Variants in NR2E1 observed in about 807,000 individuals in gnomAD.
NR2E1 encodes nuclear receptor TLX.
NR2E1 carries 5 observed loss-of-function variants against 43.6 expected under a neutral mutation model. The observed-to-expected ratio is 0.11, with a 90% CI of 0.06 to 0.24. The LOEUF (loss-of-function observed/expected upper bound fraction) is 0.24, where lower values mean the gene tolerates loss of function less well. NR2E1 is among the 10% of genes least tolerant of loss of function. The pLI is 1.00. For missense variants in NR2E1, 287 were observed against 496.7 expected, an observed-to-expected ratio of 0.58 and a Z score of 4.01; for synonymous variants, 191 against 195.5, an observed-to-expected ratio of 0.98 and a Z score of 0.19.
In NR2E1 at chr6:108,180,924, C is replaced by T. The variant is rs1283717875; in HGVS notation, c.857C>T (p.Ala286Val). The T allele has an allele frequency of 2.5e-6, 4 of 1,613,974 alleles. No homozygotes were observed. The highest frequency in any genetic ancestry group is 3.4e-6 in the Non-Finnish European group (4 of 1,180,000). Reference sequence around the variant, plus strand: ...CTCCGGTTAGATGCTACTGAATTTGCCTGTCTAAAATGCATCGTCACTTTC... The same window carrying T: ...CTCCGGTTAGATGCTACTGAATTTGTCTGTCTAAAATGCATCGTCACTTTC... Reference protein sequence around the residue: ...RQLRLDATEFACLKCIVTFKA... With the variant: ...RQLRLDATEFVCLKCIVTFKA... The change falls in exon 7 of 9, where the codon GCC (alanine) becomes GTC (valine). Residue 286 changes from alanine to valine, a missense_variant. Physicochemically the swap from Ala to Val is moderately conservative, Grantham distance 64. Around this residue, in one of 4 missense-constraint regions of NR2E1, gnomAD observed 119 missense variants for 187.0 expected, o/e 0.64. Coordinates refer to ENST00000368986, the MANE Select transcript of NR2E1 (RefSeq NM_003269.5). This position sits in a 1 kb window ranked among gnomAD's most constrained non-coding sequence, Gnocchi z 5.4.
Position 108,166,899 on chromosome 6 carries a change from A to C in NR2E1, c.25+109A>C. ...AGCGCTGCGAATCTGAGCCCCTGAG[A>C]GGGATTCCAGCGGGCGTGTGCGTTC... On this transcript the variant is annotated intron_variant, in intron 1 of 8. Coordinates refer to ENST00000368986, the MANE Select transcript of NR2E1 (RefSeq NM_003269.5). This position sits in a 1 kb window ranked among gnomAD's most constrained non-coding sequence, Gnocchi z 7.2. The C allele has an allele frequency of 8.5e-7, 1 of 1,180,626 alleles. No homozygotes were observed. Among genetic ancestry groups the C allele is most frequent in the Non-Finnish European group, 1.2e-6 (1 of 822,580 alleles). The allele number at this position is 1,180,626 out of a possible 1,614,324, so 73.1% of individuals were successfully genotyped here.
chr6:108,177,498 C>T (rs1361238048), intron 4 of NR2E1, among the ~76,000 whole-genome samples: 3 of 152,202 alleles, frequency 2.0e-5, no homozygotes, highest in African/African-American at 7.2e-5. Flanking sequence ...CCCCACACTG[C>T]AGGGAAGCCA....
chr6:108,174,753 C>T, intron 2 of NR2E1, 83 bp from the exon 3 acceptor site: 1 of 1,237,868 alleles, frequency 8.1e-7, no homozygotes, highest in Admixed American at 1.8e-5. Context: ...CGCGCCTCCA[C>T]ACCGTTTCCC....
chr6:108,180,291 C>A lies in NR2E1; in HGVS notation c.643-32C>A. On this transcript the variant is annotated intron_variant, in intron 5 of 8. Coordinates refer to ENST00000368986, the MANE Select transcript of NR2E1 (RefSeq NM_003269.5). This position sits in a 1 kb window ranked among gnomAD's most constrained non-coding sequence, Gnocchi z 5.4. ...TGTTTATAAATTTATAAATTACACA[C>A]TATATTATATTATACATCTATTGTA... is the stretch of plus-strand genomic sequence containing the variant. The A allele has an allele frequency of 7.9e-7, 1 of 1,265,408 alleles. No individual in the cohort carries two copies. The highest frequency in any genetic ancestry group is 1.7e-5 in the Admixed American group (1 of 59,418). 78.4% of individuals were successfully genotyped at this position (1,265,408 alleles called of 1,614,324 possible). A position where few individuals can be genotyped will look rare whatever the true frequency, so the allele number is the denominator to read the frequency against.
At chr6:108,182,245 A>G (rs1234749316) in intron 8 of NR2E1, among the ~76,000 whole-genome samples, 2 of 150,280 alleles carry the variant, frequency 1.3e-5, no homozygotes, top group African/African-American at 2.5e-5. Context: ...CCGTCTCAAA[A>G]AAAAAAAAAA....
At position 108,166,999 on chromosome 6, in the gene NR2E1, T is replaced by G. The variant is rs1348721396; in HGVS notation, c.25+209T>G. 6.6e-6 allele frequency among the ~76,000 whole-genome samples: 1 copy of G among 152,038 alleles called. No individual in the cohort carries two copies. Among genetic ancestry groups the G allele is most frequent in the Non-Finnish European group, 1.5e-5 (1 of 67,984 alleles). On this transcript the variant is annotated intron_variant, in intron 1 of 8. Coordinates refer to ENST00000368986, the MANE Select transcript of NR2E1 (RefSeq NM_003269.5). The surrounding 1 kb of genome is among the most constrained non-coding windows in gnomAD (Gnocchi z 7.2). ...GCCGTTTCGTTGCCTCTGGATTGCTTGATCCCCCCTGTCTGGTGCGGTGAG... is the reference window on the plus strand; with the variant it reads ...GCCGTTTCGTTGCCTCTGGATTGCTGGATCCCCCCTGTCTGGTGCGGTGAG...
chr6:108,180,488 C>A lies in NR2E1; in HGVS notation c.739+69C>A. ...TAAAAATACATTACTGAAAAAAGAA[C>A]AACATGTAAAGAATAACAAATTCCT... On this transcript the variant is annotated intron_variant, in intron 6 of 8. Coordinates refer to ENST00000368986, the MANE Select transcript of NR2E1 (RefSeq NM_003269.5). This position sits in a 1 kb window ranked among gnomAD's most constrained non-coding sequence, Gnocchi z 5.4. 9.3e-7 allele frequency: 1 copy of A among 1,079,234 alleles called. No homozygotes were observed. Among genetic ancestry groups the A allele is most frequent in the South Asian group, 1.3e-5 (1 of 79,896 alleles). The allele number at this position is 1,079,234 out of a possible 1,614,324, so 66.9% of individuals were successfully genotyped here.
chr6:108,175,059 C>T, intron 3 of NR2E1, 136 bp downstream of exon 3: 2 of 805,140 alleles, frequency 2.5e-6, no homozygotes, highest in South Asian at 2.9e-5. Flanking sequence ...TGGCCTCGGG[C>T]TTTCAGTCGT....
chr6:108,175,740 G>A (rs2114675578), intron 3 of NR2E1, among the ~76,000 whole-genome samples: 1 of 152,274 alleles, frequency 6.6e-6, no homozygotes, highest in African/African-American at 2.4e-5. Context: ...GAGGCGGCCC[G>A]GGCCGGGTGG....
chr6:108,171,769 C>T (rs1012270625), intron 2 of NR2E1, among the ~76,000 whole-genome samples, 166 bp downstream of exon 2: 2 of 152,118 alleles, frequency 1.3e-5, no homozygotes, highest in African/African-American at 4.8e-5. Context: ...GGCCCTTTGG[C>T]TGGGGAAAGG....
rs1012273108 is a variant in NR2E1 at position 108,166,722 on chromosome 6, A to G, written c.-44A>G. On this transcript the variant is annotated 5_prime_UTR_variant, in exon 1 of 9. Coordinates refer to ENST00000368986, the MANE Select transcript of NR2E1 (RefSeq NM_003269.5). This position sits in a 1 kb window ranked among gnomAD's most constrained non-coding sequence, Gnocchi z 7.2. ...GGCGAGGCGGGCGCTGCCGGCCGGG[A>G]CTCGGGCAGCGCCCACCAACCGCTC... is the stretch of plus-strand genomic sequence containing the variant. The G allele has an allele frequency of 1.5e-5, 23 of 1,503,688 alleles. No homozygotes were observed. The highest frequency in any genetic ancestry group is 2.0e-5 in the Non-Finnish European group (22 of 1,127,722). The allele number at this position is 1,503,688 out of a possible 1,614,324, so 93.1% of individuals were successfully genotyped here. A position where few individuals can be genotyped will look rare whatever the true frequency, so the allele number is the denominator to read the frequency against.
intron 8 of NR2E1, among the ~76,000 whole-genome samples, chr6:108,185,392 A>ACG (rs1228279027): frequency 3.6e-4 from 42 of 116,280 alleles, no homozygotes; most frequent in African/African-American, 1.2e-3. Context: ...ACACACACAC[A>ACG]CACACGCACA....
At chr6:108,174,991 A>C in intron 3 of NR2E1, 68 bp downstream of exon 3, 1 of 1,420,018 alleles carries the variant, frequency 7.0e-7, no homozygotes, top group East Asian at 2.3e-5. Context: ...CAGAAAATAC[A>C]TGGCACTCCT....
chr6:108,168,048 G>A (rs865956817), intron 1 of NR2E1: 1 of 1,601,066 alleles, frequency 6.2e-7, no homozygotes, highest in African/African-American at 1.3e-5. Context: ...TGGGGCAGAG[G>A]GAGCAGAGAA....
chr6:108,183,237 A>G (rs966505449), intron 8 of NR2E1, among the ~76,000 whole-genome samples: 5 of 151,678 alleles, frequency 3.3e-5, no homozygotes, highest in Admixed American at 6.6e-5. Context: ...GTGGCTCCAC[A>G]CCTGTAATCC....
chr6:108,172,601 C>G (rs2114673064), intron 2 of NR2E1, among the ~76,000 whole-genome samples: 1 of 152,250 alleles, frequency 6.6e-6, no homozygotes, highest in East Asian at 1.9e-4. Context: ...TGGAAAGATC[C>G]CTGAGGGTGC....
Position 108,169,456 on chromosome 6 carries a change from C to T in NR2E1, c.26-2002C>T, listed in dbSNP as rs936092351. 3.9e-5 allele frequency among the ~76,000 whole-genome samples: 6 copies of T among 152,198 alleles called. No homozygotes were observed. Among genetic ancestry groups the T allele is most frequent in the Admixed American group, 6.5e-5 (1 of 15,290 alleles). ...AAAAAGAGACCCCACCACTGCTCCT[C>T]CCACTCACTCATCTTGGCATCTTCA... On this transcript the variant is annotated intron_variant, in intron 1 of 8. Coordinates refer to ENST00000368986, the MANE Select transcript of NR2E1 (RefSeq NM_003269.5). This position sits in a 1 kb window ranked among gnomAD's most constrained non-coding sequence, Gnocchi z 6.1.
At chr6:108,171,332 G>T in intron 1 of NR2E1, 126 bp from the exon 2 acceptor site, 1 of 1,039,926 alleles carries the variant, frequency 9.6e-7, no homozygotes, top group Admixed American at 1.9e-5. Flanking sequence ...CCGCAGCTTC[G>T]GTGCTAATCC....
intron 1 of NR2E1, chr6:108,168,145 T>A (rs1353774317): frequency 3.8e-6 from 6 of 1,597,690 alleles, no homozygotes; most frequent in Non-Finnish European, 5.1e-6. Flanking sequence ...TGGCCCTCGC[T>A]GTTGGAATCT....
Sources: allele counts gnomAD v4.1 joint callset (sites outside exome capture counted in the v4.1 genomes callset), GRCh38; gene constraint gnomAD v4.1.1; regional missense constraint gnomAD v4.1.1; non-coding constraint Gnocchi (gnomAD v3.1); transcripts MANE v1.5; gene names NCBI Gene and HGNC (gene_info 2026-07-23, HGNC 2026-07-21).